NBAS: variants seen among roughly 807,000 people sequenced by gnomAD.
NBAS encodes NBAS subunit of NRZ tethering complex, also known as NAG/BC035112 fusion.
Under a neutral mutation model 302.5 loss-of-function variants are expected in NBAS, and 219 were observed. The observed-to-expected ratio is 0.72, with a 90% confidence interval of 0.65 to 0.81. The LOEUF (loss-of-function observed/expected upper bound fraction) is 0.81, where lower values mean the gene tolerates loss of function less well. Among genes scored for constraint, NBAS ranks in the 30% least tolerant of loss-of-function variants. The probability of loss-of-function intolerance (pLI) is 0.00; values close to 1 mark genes in which losing one functional copy is unlikely to be tolerated. For missense variants in NBAS, 2,932 were observed against 2,841.6 expected (o/e 1.03, Z -0.72); for synonymous variants, 1,118 against 1,021.6 (o/e 1.09, Z -1.80).
chr2:14,898,941 G>A, the NBAS span, among the ~76,000 whole-genome samples: 1 of 152,124 alleles, frequency 6.6e-6, no homozygotes, highest in Non-Finnish European at 1.5e-5. Flanking sequence ...TGTAGTTTGG[G>A]AACTTTTATG....
intron 30 of NBAS, among the ~76,000 whole-genome samples, chr2:15,379,254 G>A (rs781015671): frequency 2.0e-5 from 3 of 151,098 alleles, no homozygotes; most frequent in Admixed American, 6.6e-5. Flanking sequence ...TCTAAACAAA[G>A]TGAAAGCTAC....
At chr2:14,869,300 A>G in the NBAS span, among the ~76,000 whole-genome samples, 2 of 152,060 alleles carry the variant, frequency 1.3e-5, no homozygotes, top group African/African-American at 4.8e-5. Context: ...ACCATCAACC[A>G]CAAAAGGATC....
the NBAS span, among the ~76,000 whole-genome samples, chr2:14,833,355 A>C: frequency 6.6e-6 from 1 of 152,132 alleles, no homozygotes. Flanking sequence ...GAAACTATAG[A>C]TAACGGATCA....
chr2:15,027,542 T>TG, the NBAS span, among the ~76,000 whole-genome samples: 1 of 152,098 alleles, frequency 6.6e-6, no homozygotes, highest in Admixed American at 6.6e-5. Flanking sequence ...TAGAATCTCT[T>TG]GGGTTTTTTA....
At chr2:14,858,286 A>G in the NBAS span, among the ~76,000 whole-genome samples, 1 of 152,136 alleles carries the variant, frequency 6.6e-6, no homozygotes, top group African/African-American at 2.4e-5. Flanking sequence ...GAGTTACCAT[A>G]TCATTCAACA....
intron 36 of NBAS, 107 bp downstream of exon 36, chr2:15,330,491 A>C: frequency 7.0e-7 from 1 of 1,435,112 alleles, no homozygotes; most frequent in Non-Finnish European, 9.6e-7. Flanking sequence ...AGATTGTTTT[A>C]ACAATCTAGA....
intron 19 of NBAS, among the ~76,000 whole-genome samples, chr2:15,465,625 G>C (rs985042354): frequency 6.6e-6 from 1 of 152,076 alleles, no homozygotes; most frequent in Non-Finnish European, 1.5e-5. Context: ...CTAATGGTTA[G>C]CTATTATATC....
chr2:15,250,930 C>T (rs1668335681), intron 44 of NBAS, among the ~76,000 whole-genome samples: 1 of 152,110 alleles, frequency 6.6e-6, no homozygotes, highest in Non-Finnish European at 1.5e-5. Context: ...ACTAGAAATA[C>T]CATTTGACCC....
chr2:15,476,460 C>T lies in NBAS; in HGVS notation c.1148-580G>A, dbSNP rs1009640570. 3.3e-5 allele frequency among the ~76,000 whole-genome samples: 5 copies of T among 152,042 alleles called. No individual in the cohort carries two copies. The East Asian group carries it at 5.8e-4, about 18-fold the overall frequency. Reference sequence around the variant, plus strand: ...ATTATGGGCCGGGCACAGTGGTTCACGCCTGTAATCCCAGCACTTTGGGAG... The same window carrying T: ...ATTATGGGCCGGGCACAGTGGTTCATGCCTGTAATCCCAGCACTTTGGGAG... On this transcript the variant is annotated intron_variant, in intron 13 of 51. Transcript: ENST00000281513.
At chr2:15,438,579 A>G (rs1678151917) in intron 21 of NBAS, among the ~76,000 whole-genome samples, 1 of 152,134 alleles carries the variant, frequency 6.6e-6, no homozygotes, top group Non-Finnish European at 1.5e-5. Context: ...AAGGGAAGGG[A>G]AAAAAACAAA....
chr2:15,087,057 T>C, the NBAS span, among the ~76,000 whole-genome samples: 48 of 151,888 alleles, frequency 3.2e-4, no homozygotes, highest in African/African-American at 1.0e-3. Context: ...ATCATTTTTT[T>C]CCCCTGATTT....
chr2:15,298,389 C>T (rs1316841633), intron 40 of NBAS, among the ~76,000 whole-genome samples: 2 of 152,140 alleles, frequency 1.3e-5, no homozygotes, highest in South Asian at 2.1e-4. Context: ...GAAAAAATTA[C>T]TTACAGGGGA....
At chr2:15,133,858 CTGATTGAA>C in the NBAS span, among the ~76,000 whole-genome samples, 2 of 152,048 alleles carry the variant, frequency 1.3e-5, no homozygotes, top group Admixed American at 1.3e-4. Flanking sequence ...AAAGATCTTC[CTGATTGAA>C]TGATCACTCT....
chr2:15,538,932 T>C (rs756616265), intron 7 of NBAS, among the ~76,000 whole-genome samples: 8 of 152,220 alleles, frequency 5.3e-5, no homozygotes, highest in Non-Finnish European at 1.2e-4. Flanking sequence ...GTTCCTGTTG[T>C]GACAGACCAC....
chr2:15,171,304 G>A (rs1183643870), intron 51 of NBAS, among the ~76,000 whole-genome samples: 1 of 152,060 alleles, frequency 6.6e-6, no homozygotes, highest in African/African-American at 2.4e-5. Context: ...ATCCATGTTT[G>A]GGTCACCACA....
At chr2:15,121,141 T>C in the NBAS span, among the ~76,000 whole-genome samples, 2 of 152,230 alleles carry the variant, frequency 1.3e-5, no homozygotes, top group Admixed American at 6.5e-5. Context: ...TCTACCAATA[T>C]GAGAGCTGAG....
At chr2:15,244,836 A>T (rs1215452533) in intron 44 of NBAS, among the ~76,000 whole-genome samples, 1 of 152,182 alleles carries the variant, frequency 6.6e-6, no homozygotes, top group Non-Finnish European at 1.5e-5. Context: ...GGTTTCTACC[A>T]CACATCTTAT....
chr2:14,799,030 T>G, the NBAS span, among the ~76,000 whole-genome samples: 1 of 152,058 alleles, frequency 6.6e-6, no homozygotes, highest in Admixed American at 6.5e-5. Context: ...TTCTTATTTT[T>G]CTCTCATATT....
chr2:15,423,609 T>C (rs924801869), intron 23 of NBAS, among the ~76,000 whole-genome samples: 1 of 152,182 alleles, frequency 6.6e-6, no homozygotes, highest in African/African-American at 2.4e-5. Flanking sequence ...TCACCTTTCC[T>C]GTCAAATCAA....
Sources: allele counts gnomAD v4.1 joint callset (sites outside exome capture counted in the v4.1 genomes callset), GRCh38; gene constraint gnomAD v4.1.1; transcripts MANE v1.5; gene names NCBI Gene and HGNC (gene_info 2026-07-23, HGNC 2026-07-21).